Variants in CHD9 observed in about 807,000 individuals in gnomAD.
The protein encoded by CHD9 is chromodomain helicase DNA binding protein 9, also known as ATP-dependent chromatin remodeler CHD9.
Under a neutral mutation model 316.1 loss-of-function variants are expected in CHD9, and 77 were observed. That is an observed-to-expected ratio of 0.24 (90% CI 0.20 to 0.29). The LOEUF (loss-of-function observed/expected upper bound fraction) is 0.29, where lower values mean the gene tolerates loss of function less well. CHD9 is among the 10% of genes least tolerant of loss of function. CHD9 has a pLI of 1.00. For missense variants in CHD9, 2,763 were observed against 3,438.1 expected, an observed-to-expected ratio of 0.80 and a Z score of 4.91; for synonymous variants, 1,129 against 1,158.3, an observed-to-expected ratio of 0.97 and a Z score of 0.51.
rs762629918 is a variant in CHD9, at chr16:53,268,156, A to G, written c.4717+30A>G. The G allele has an allele frequency of 2.3e-5, 34 of 1,462,834 alleles. No homozygotes were observed. The East Asian group carries it at 6.9e-4, about 30-fold the overall frequency. 90.6% of individuals were successfully genotyped at this position (1,462,834 alleles called of 1,614,324 possible). A position where few individuals can be genotyped will look rare whatever the true frequency, so the allele number is the denominator to read the frequency against. ...GAACATTGTTTCATTTGCTTTTAAA[A>G]TTTATTTTTAGTTATATAAGTAATA... On this transcript the variant is annotated intron_variant, in intron 22 of 38. Transcript: ENST00000447540.
intron 2 of CHD9, among the ~76,000 whole-genome samples, chr16:53,159,374 A>G (rs996524788): frequency 1.1e-4 from 17 of 152,158 alleles, no homozygotes; most frequent in Non-Finnish European, 2.4e-4. Flanking sequence ...TCGTGAACAT[A>G]TTACTTTTAT....
chr16:53,060,863 G>A (rs1386905659), intron 1 of CHD9, among the ~76,000 whole-genome samples: 1 of 151,320 alleles, frequency 6.6e-6, no homozygotes, highest in Non-Finnish European at 1.5e-5. Context: ...TGAGACTATA[G>A]TGAGCCATGA....
At chr16:53,316,376 TAA>T (rs2056886338) in intron 36 of CHD9, among the ~76,000 whole-genome samples, 1 of 152,190 alleles carries the variant, frequency 6.6e-6, no homozygotes, top group African/African-American at 2.4e-5. Context: ...GTAAACAATA[TAA>T]AGTTTTTGCC....
chr16:53,268,029 T>C lies in CHD9; in HGVS notation c.4620T>C (p.Leu1540=). ...GCCGAGCTCTCTTAGCATATTGCCT[T>C]GTTCACTACCGAGGAGATGAGAAGA... ...IICRALLAYC[L]VHYRGDEKIK... is the part of the protein sequence containing the mutation. The change falls in exon 22 of 39, where the codon CTT becomes CTC. Residue 1540 remains leucine, a synonymous_variant. Coordinates refer to ENST00000447540, the MANE Select transcript of CHD9 (RefSeq NM_001308319.2). 6.2e-7 allele frequency: 1 copy of C among 1,613,588 alleles called. No homozygotes were observed. Among genetic ancestry groups the C allele is most frequent in the South Asian group, 1.1e-5 (1 of 91,084 alleles).
chr16:53,164,653 G>A lies in CHD9; in HGVS notation c.1452+7112G>A, dbSNP rs916192991. ...TTTTGTTTTTTTTTTGGAGGGGGGG[G>A]TTTGTTGTTGTTGTTTTTGAGACAG... is the stretch of plus-strand genomic sequence containing the variant. On this transcript the variant is annotated intron_variant, in intron 2 of 38. Transcript: ENST00000447540. Among the ~76,000 whole-genome samples the A allele has an allele frequency of 9.2e-5, 14 of 151,722 alleles. No homozygotes were observed. In the East Asian group the frequency reaches 1.4e-3, roughly 15 times the overall value.
intron 26 of CHD9, among the ~76,000 whole-genome samples, chr16:53,287,652 G>A (rs562848051): frequency 2.0e-5 from 3 of 152,292 alleles, no homozygotes; most frequent in Admixed American, 6.5e-5. Context: ...TCTTGAACCC[G>A]GGAGGTGGAG....
intron 2 of CHD9, among the ~76,000 whole-genome samples, chr16:53,209,268 T>A (rs1260465879): frequency 6.6e-6 from 1 of 152,252 alleles, no homozygotes; most frequent in African/African-American, 2.4e-5. Context: ...TATATTATTC[T>A]TCTTTAACCT....
chr16:53,297,091 T>C lies in CHD9; in HGVS notation c.5646T>C (p.Ser1882=). Residue 1882 remains serine, a synonymous_variant, in exon 30 of 39, where the codon AGT becomes AGC. Transcript: ENST00000447540. ...GGCTACATAAGAAAACTGATGATAG[T>C]TTGGAAAAATATTTGTACGCATTCA... ...MARLHKKTDD[S]LEKYLYAFMS... 1 of 1,613,890 alleles carries C rather than the reference T, an allele frequency of 6.2e-7. No homozygotes were observed. The highest frequency in any genetic ancestry group is 2.2e-5 in the East Asian group (1 of 44,852).
At chr16:53,065,217 A>T (rs1238482882) in intron 1 of CHD9, among the ~76,000 whole-genome samples, 1 of 152,188 alleles carries the variant, frequency 6.6e-6, no homozygotes, top group Non-Finnish European at 1.5e-5. Context: ...GGGATACAAG[A>T]GTCTAGAGTG....
At chr16:53,087,565 G>T (rs557244574) in intron 1 of CHD9, among the ~76,000 whole-genome samples, 9 of 152,224 alleles carry the variant, frequency 5.9e-5, no homozygotes, top group African/African-American at 1.9e-4. Flanking sequence ...GTAAAGCAGG[G>T]GTTACAATAC....
chr16:53,157,136 T>C lies in CHD9; in HGVS notation c.1047T>C (p.Tyr349=), dbSNP rs779207024. ...ILHSSHPQGN[Y]SNSKLSPVHM... ...ATTCATCACATCCTCAGGGTAATTA[T>C]AGCAATTCAAAATTATCTCCTGTGC... is the stretch of plus-strand genomic sequence containing the variant. Residue 349 remains tyrosine (Y), a synonymous_variant, in exon 2 of 39, where the codon TAT becomes TAC. Coordinates refer to ENST00000447540, the MANE Select transcript of CHD9 (RefSeq NM_001308319.2). 4 of 1,609,968 alleles carry C rather than the reference T, an allele frequency of 2.5e-6. No individual in the cohort carries two copies. Among genetic ancestry groups the C allele is most frequent in the Middle Eastern group, 1.6e-4 (1 of 6,078 alleles).
intron 1 of CHD9, among the ~76,000 whole-genome samples, chr16:53,115,855 C>T (rs2038253380): frequency 6.6e-6 from 1 of 152,008 alleles, no homozygotes; most frequent in African/African-American, 2.4e-5. Context: ...TCAAAGAAGG[C>T]CTCTAATATG....
chr16:53,099,299 G>A (rs12924624), intron 1 of CHD9: 1 of 152,334 alleles, frequency 6.6e-6, no homozygotes, highest in African/African-American at 2.4e-5. Flanking sequence ...GAATTGATTG[G>A]GGGAAACGAT....
intron 1 of CHD9, among the ~76,000 whole-genome samples, chr16:53,153,526 G>T (rs2041279454): frequency 6.6e-6 from 1 of 151,958 alleles, no homozygotes; most frequent in Middle Eastern, 3.2e-3. Flanking sequence ...AATTTCCTTG[G>T]TTTTTTCTTC....
intron 1 of CHD9, among the ~76,000 whole-genome samples, chr16:53,151,009 C>T (rs1329641604): frequency 1.3e-5 from 2 of 152,082 alleles, no homozygotes; most frequent in Non-Finnish European, 2.9e-5. Context: ...TAATGTCTTT[C>T]ATCAAATTTG....
At chr16:53,188,754 C>T (rs1315486570) in intron 2 of CHD9, among the ~76,000 whole-genome samples, 1 of 151,536 alleles carries the variant, frequency 6.6e-6, no homozygotes, top group African/African-American at 2.4e-5. Context: ...GCCACCACGC[C>T]TGGCTAATTT....
At chr16:53,246,941 A>G (rs1300344848) in intron 15 of CHD9, among the ~76,000 whole-genome samples, 2 of 152,200 alleles carry the variant, frequency 1.3e-5, no homozygotes, top group Admixed American at 1.3e-4. Flanking sequence ...TAAATATTAG[A>G]TATTTAAAAA....
At chr16:53,120,224 C>T (rs932306632) in intron 1 of CHD9, among the ~76,000 whole-genome samples, 6 of 151,902 alleles carry the variant, frequency 3.9e-5, no homozygotes, top group African/African-American at 1.5e-4. Flanking sequence ...AGAGCAAGAC[C>T]CTGTCTCTAA....
At chr16:53,058,725 G>C (rs189628556) in intron 1 of CHD9, among the ~76,000 whole-genome samples, 1 of 152,140 alleles carries the variant, frequency 6.6e-6, no homozygotes, top group Non-Finnish European at 1.5e-5. Context: ...TGAAATTGAC[G>C]TTCCATGCTG....
Sources: gnomAD v4.1 joint callset for allele counts (sites outside exome capture counted in the v4.1 genomes callset) on GRCh38, gnomAD v4.1.1 for gene constraint, MANE v1.5 for transcripts, NCBI Gene and HGNC (gene_info 2026-07-23, HGNC 2026-07-21) for gene names.